The following CTNNA3 variants were observed in gnomAD, a reference collection of about 807,000 sequenced individuals.
CTNNA3 encodes the protein catenin alpha 3, also known as catenin alpha-3.
CTNNA3 carries 76 observed loss-of-function variants against 95.7 expected under a neutral mutation model. The observed-to-expected ratio is 0.79, with a 90% CI of 0.66 to 0.96. The LOEUF (loss-of-function observed/expected upper bound fraction) is 0.96, where lower values mean the gene tolerates loss of function less well. Ranked by LOEUF, CTNNA3 falls within the 40% of genes least tolerant of loss-of-function variation. CTNNA3 has a pLI of 0.00. For synonymous variants in CTNNA3, 431 were observed against 374.4 expected (o/e 1.15, Z -1.74); for missense variants, 1,191 against 1,089.8 (o/e 1.09, Z -1.31).
chr10:66,697,976 G>T (rs1000901540), intron 9 of CTNNA3, among the ~76,000 whole-genome samples: 7 of 152,038 alleles, frequency 4.6e-5, no homozygotes, highest in African/African-American at 1.7e-4. Context: ...TGGGTTTCAG[G>T]TGACTATTCT....
chr10:66,638,214 C>T (rs1845399572), intron 9 of CTNNA3, among the ~76,000 whole-genome samples: 1 of 152,254 alleles, frequency 6.6e-6, no homozygotes, highest in Non-Finnish European at 1.5e-5. Context: ...GTCTCAAATT[C>T]TGAATTATCT....
At chr10:67,070,424 A>C (rs963586554) in intron 7 of CTNNA3, among the ~76,000 whole-genome samples, 6 of 151,956 alleles carry the variant, frequency 3.9e-5, no homozygotes, top group African/African-American at 1.4e-4. Context: ...CTCTCTCTAT[A>C]TATATATTTT....
intron 5 of CTNNA3, among the ~76,000 whole-genome samples, chr10:67,255,164 G>A (rs993507941): frequency 6.6e-6 from 1 of 152,070 alleles, no homozygotes; most frequent in Non-Finnish European, 1.5e-5. Flanking sequence ...GCATGGCGGT[G>A]TGCACCTGTA....
chr10:66,285,914 ATTT>A (rs1228272177), intron 12 of CTNNA3, among the ~76,000 whole-genome samples: 2 of 151,800 alleles, frequency 1.3e-5, no homozygotes, highest in African/African-American at 4.8e-5. Context: ...TAAACATTAA[ATTT>A]TTTTCTATGT....
intron 11 of CTNNA3, among the ~76,000 whole-genome samples, chr10:66,404,364 A>G (rs1052181556): frequency 6.6e-6 from 1 of 152,104 alleles, no homozygotes; most frequent in Non-Finnish European, 1.5e-5. Context: ...CTCGTTCACT[A>G]CTGCAATGCT....
chr10:67,388,882 G>T (rs1844319639), intron 5 of CTNNA3, among the ~76,000 whole-genome samples: 1 of 152,194 alleles, frequency 6.6e-6, no homozygotes, highest in South Asian at 2.1e-4. Context: ...TCACCACCAG[G>T]CCGGCCTTAC....
At chr10:67,104,749 A>G (rs1227681278) in intron 7 of CTNNA3, among the ~76,000 whole-genome samples, 1 of 152,016 alleles carries the variant, frequency 6.6e-6, no homozygotes, top group Non-Finnish European at 1.5e-5. Context: ...ACATACTTCT[A>G]TAATACACAC....
intron 8 of CTNNA3, among the ~76,000 whole-genome samples, chr10:66,768,480 A>G (rs921427351): frequency 5.9e-5 from 9 of 152,162 alleles, no homozygotes; most frequent in African/African-American, 1.7e-4. Flanking sequence ...GAGACAAATT[A>G]CCCACAACTA....
intron 10 of CTNNA3, among the ~76,000 whole-genome samples, chr10:66,583,291 T>C (rs1843251925): frequency 1.2e-5 from 1 of 85,446 alleles, no homozygotes; most frequent in South Asian, 4.4e-4. Flanking sequence ...GTTTGCAGTG[T>C]TTTGGTTTTT....
chr10:66,291,620 C>T (rs1384848227), intron 12 of CTNNA3, among the ~76,000 whole-genome samples: 1 of 151,972 alleles, frequency 6.6e-6, no homozygotes, highest in African/African-American at 2.4e-5. Context: ...CTGTGCTCTT[C>T]CCATATTGTA....
intron 11 of CTNNA3, among the ~76,000 whole-genome samples, chr10:66,485,927 A>C (rs1291340970): frequency 1.3e-5 from 2 of 152,178 alleles, no homozygotes; most frequent in Non-Finnish European, 2.9e-5. Flanking sequence ...AAACCCATGC[A>C]TTTACAGTCA....
chr10:66,999,481 G>A (rs890489939), intron 7 of CTNNA3, among the ~76,000 whole-genome samples: 8 of 151,524 alleles, frequency 5.3e-5, no homozygotes, highest in Non-Finnish European at 1.0e-4. Flanking sequence ...GTATGGATCA[G>A]AACATGATTA....
intron 13 of CTNNA3, among the ~76,000 whole-genome samples, chr10:66,241,801 A>C (rs1234222827): frequency 6.6e-6 from 1 of 152,128 alleles, no homozygotes; most frequent in Admixed American, 6.6e-5. Context: ...ATGTAAAATC[A>C]AATTAAAATA....
intron 11 of CTNNA3, among the ~76,000 whole-genome samples, chr10:66,499,986 A>G (rs1296599431): frequency 6.6e-6 from 1 of 151,954 alleles, no homozygotes; most frequent in African/African-American, 2.4e-5. Flanking sequence ...TATTTTTAGT[A>G]GAGATGGGGT....
intron 13 of CTNNA3, among the ~76,000 whole-genome samples, chr10:66,107,334 C>G (rs1393053518): frequency 6.6e-6 from 1 of 152,084 alleles, no homozygotes; most frequent in Non-Finnish European, 1.5e-5. Context: ...AGTTTCTTCA[C>G]CTGTAAAATA....
chr10:66,507,515 T>G (rs1589350167), intron 11 of CTNNA3, among the ~76,000 whole-genome samples: 1 of 152,070 alleles, frequency 6.6e-6, no homozygotes, highest in East Asian at 1.9e-4. Flanking sequence ...CCCTTACTGT[T>G]CCCAGCCTGT....
At chr10:66,724,170 G>A (rs1415912471) in intron 9 of CTNNA3, among the ~76,000 whole-genome samples, 4 of 152,082 alleles carry the variant, frequency 2.6e-5, no homozygotes, top group Non-Finnish European at 4.4e-5. Flanking sequence ...CTTGCATGAA[G>A]GGAGCCCATG....
At chr10:66,853,848 T>C (rs764727069) in intron 7 of CTNNA3, among the ~76,000 whole-genome samples, 22 of 152,078 alleles carry the variant, frequency 1.4e-4, no homozygotes, top group Non-Finnish European at 2.9e-4. Flanking sequence ...TTCTACTAAG[T>C]ATGCTACATG....
intron 13 of CTNNA3, among the ~76,000 whole-genome samples, chr10:66,198,496 C>T (rs1257029983): frequency 2.0e-5 from 3 of 152,058 alleles, no homozygotes; most frequent in African/African-American, 7.2e-5. Flanking sequence ...CTTAGGTACA[C>T]AGCAGAAATA....
Sources: allele counts gnomAD v4.1 joint callset (sites outside exome capture counted in the v4.1 genomes callset), GRCh38; gene constraint gnomAD v4.1.1; transcripts MANE v1.5; gene names NCBI Gene and HGNC (gene_info 2026-07-23, HGNC 2026-07-21).